Variants in RANBP2 observed in about 807,000 individuals in gnomAD.
The protein encoded by RANBP2 is RAN binding protein 2, also known as E3 SUMO-protein ligase RanBP2.
Under a neutral mutation model 303.6 loss-of-function variants are expected in RANBP2, and 57 were observed. The ratio of observed to expected loss-of-function variants is 0.19; its 90% CI spans 0.15 to 0.23. The LOEUF (loss-of-function observed/expected upper bound fraction) is 0.23. Among genes scored for constraint, RANBP2 ranks in the 10% least tolerant of loss-of-function variants. The pLI is 1.00. For missense variants in RANBP2, 3,138 were observed against 3,780.8 expected, an observed-to-expected ratio of 0.83 and a Z score of 4.46; for synonymous variants, 1,167 against 1,301.5, an observed-to-expected ratio of 0.90 and a Z score of 2.23.
the RANBP2 span, chr2:108,896,901 T>A: frequency 1.2e-6 from 2 of 1,609,790 alleles, no homozygotes; most frequent in Non-Finnish European, 1.7e-6. Flanking sequence ...CCCACAGGCA[T>A]GCTTTTCAGG....
At chr2:109,053,882 C>A in the RANBP2 span, among the ~76,000 whole-genome samples, 1 of 152,140 alleles carries the variant, frequency 6.6e-6, no homozygotes, top group Non-Finnish European at 1.5e-5. Flanking sequence ...TGCCTGGCAC[C>A]GGCTCACAGG....
the RANBP2 span, among the ~76,000 whole-genome samples, chr2:109,734,481 A>G: frequency 6.6e-6 from 1 of 152,214 alleles, no homozygotes. Context: ...CTACAAAAAA[A>G]TTAAAAAGAT....
At chr2:108,916,740 C>G in the RANBP2 span, among the ~76,000 whole-genome samples, 3 of 152,042 alleles carry the variant, frequency 2.0e-5, no homozygotes, top group Admixed American at 6.6e-5. Context: ...GATGGTGGAC[C>G]CTGACATTTC....
chr2:109,412,587 G>T, the RANBP2 span, among the ~76,000 whole-genome samples: 10 of 152,330 alleles, frequency 6.6e-5, no homozygotes, highest in South Asian at 1.9e-3. Context: ...GGTGCTGCAG[G>T]GTCACCCCTG....
chr2:109,390,977 C>T, the RANBP2 span, among the ~76,000 whole-genome samples: 5 of 152,184 alleles, frequency 3.3e-5, no homozygotes, highest in Non-Finnish European at 7.4e-5. Context: ...TGGCCAACTG[C>T]CCCCAAGCAG....
chr2:109,760,461 CG>C, the RANBP2 span: 2 of 967,454 alleles, frequency 2.1e-6, no homozygotes, highest in Non-Finnish European at 2.4e-6. Context: ...GGCGGCGGCG[CG>C]GCGAGCTCGC....
At chr2:108,736,033 G>T in intron 5 of RANBP2, 71 bp from the exon 6 acceptor site, 21 of 1,611,018 alleles carry the variant, frequency 1.3e-5, no homozygotes, top group Non-Finnish European at 1.8e-5. Flanking sequence ...AAAGGAATTT[G>T]TAGGCTTAAA....
the RANBP2 span, among the ~76,000 whole-genome samples, chr2:109,189,889 C>T: frequency 2.0e-5 from 3 of 152,074 alleles, no homozygotes; most frequent in Non-Finnish European, 4.4e-5. Context: ...AAGGTTGGAG[C>T]GATCATACTT....
the RANBP2 span, among the ~76,000 whole-genome samples, chr2:108,966,458 T>C: frequency 2.6e-5 from 4 of 152,224 alleles, no homozygotes; most frequent in Admixed American, 2.0e-4. Context: ...GGAAGGCCTA[T>C]GCCTCATCTC....
At chr2:109,308,126 G>C in the RANBP2 span, among the ~76,000 whole-genome samples, 4 of 143,666 alleles carry the variant, frequency 2.8e-5, no homozygotes, top group African/African-American at 5.5e-5. Flanking sequence ...TAACTGGTGT[G>C]AGATGGTATC....
chr2:109,200,255 T>G, the RANBP2 span, among the ~76,000 whole-genome samples: 12 of 152,234 alleles, frequency 7.9e-5, no homozygotes, highest in East Asian at 2.3e-3. Flanking sequence ...CACCTGTAGT[T>G]GGGGCTTTCA....
At chr2:109,418,713 C>T in the RANBP2 span, among the ~76,000 whole-genome samples, 1 of 152,230 alleles carries the variant, frequency 6.6e-6, no homozygotes, top group African/African-American at 2.4e-5. Flanking sequence ...AGGGCTGGGA[C>T]TTGGACAGAT....
chr2:108,978,470 G>T, the RANBP2 span, among the ~76,000 whole-genome samples: 1 of 152,210 alleles, frequency 6.6e-6, no homozygotes, highest in Non-Finnish European at 1.5e-5. Flanking sequence ...CGCCTCAAGA[G>T]TTTTGCAACG....
the RANBP2 span, among the ~76,000 whole-genome samples, chr2:108,960,770 T>C: frequency 6.6e-6 from 1 of 152,228 alleles, no homozygotes; most frequent in Non-Finnish European, 1.5e-5. Flanking sequence ...TATATAGATA[T>C]ATCATAAGGA....
the RANBP2 span, among the ~76,000 whole-genome samples, chr2:109,659,487 T>G: frequency 6.6e-6 from 1 of 152,150 alleles, no homozygotes; most frequent in Admixed American, 6.5e-5. Context: ...GGATGTACTG[T>G]GATTTATCCA....
the RANBP2 span, chr2:108,912,690 G>T: frequency 6.3e-7 from 1 of 1,595,682 alleles, no homozygotes; most frequent in Non-Finnish European, 8.5e-7. Context: ...TTGTGGGCGT[G>T]CTGGAAGGGA....
the RANBP2 span, chr2:109,794,614 G>T: frequency 1.2e-4 from 9 of 73,306 alleles, no homozygotes; most frequent in East Asian, 3.0e-3. Flanking sequence ...GCGGCGGGGG[G>T]GGCGGCGGCG....
At chr2:108,942,289 G>T in the RANBP2 span, among the ~76,000 whole-genome samples, 1 of 152,244 alleles carries the variant, frequency 6.6e-6, no homozygotes, top group Non-Finnish European at 1.5e-5. Flanking sequence ...AGGTGGGAGA[G>T]CCGAGGCACA....
the RANBP2 span, among the ~76,000 whole-genome samples, chr2:109,263,836 C>T: frequency 2.2e-4 from 33 of 152,242 alleles, no homozygotes; most frequent in South Asian, 6.2e-4. Context: ...GGCATGGTGG[C>T]GGGAGCCTGT....
Sources: gnomAD v4.1 joint callset for allele counts (sites outside exome capture counted in the v4.1 genomes callset) on GRCh38, gnomAD v4.1.1 for gene constraint, MANE v1.5 for transcripts, NCBI Gene and HGNC (gene_info 2026-07-23, HGNC 2026-07-21) for gene names.